Variants in DCC observed in about 807,000 individuals in gnomAD.
The protein encoded by DCC is netrin receptor DCC.
A neutral mutation model predicts 172.5 loss-of-function variants in DCC; 58 were observed. That is an observed-to-expected ratio of 0.34 (90% CI 0.27 to 0.42). The LOEUF is 0.42. DCC is among the 10% of genes least tolerant of loss of function. The probability of loss-of-function intolerance (pLI) is 1.00; values close to 1 mark genes in which losing one functional copy is unlikely to be tolerated. For synonymous variants in DCC, 709 were observed against 644.5 expected, an observed-to-expected ratio of 1.10 and a Z score of -1.52; for missense variants, 1,740 against 1,791.0, an observed-to-expected ratio of 0.97 and a Z score of 0.51.
In DCC at chr18:52,714,539, A is replaced by G. The variant is rs541886648; in HGVS notation, c.92-37515A>G. On this transcript the variant is annotated intron_variant, in intron 1 of 28. Coordinates refer to ENST00000442544, the MANE Select transcript of DCC (RefSeq NM_005215.4). ...TACTGAACTGGGAAGGAACTGCTAT[A>G]TTGGGAAAAAGAACAACATTATCTG... 7.2e-5 allele frequency among the ~76,000 whole-genome samples: 11 copies of G among 152,342 alleles called. No individual in the cohort carries two copies. In the South Asian group the frequency reaches 2.3e-3, roughly 32 times the overall value.
At chr18:53,115,561 G>C (rs536727498) in intron 7 of DCC, among the ~76,000 whole-genome samples, 11 of 151,694 alleles carry the variant, frequency 7.3e-5, no homozygotes, top group African/African-American at 1.7e-4. Flanking sequence ...CCCCATCCCA[G>C]TGCTAGAATT....
At chr18:52,368,441 T>C (rs368083808) in intron 1 of DCC, among the ~76,000 whole-genome samples, 3 of 152,184 alleles carry the variant, frequency 2.0e-5, no homozygotes, top group East Asian at 3.9e-4. Context: ...TGTTGCTCTT[T>C]CCACCCTGAG....
chr18:52,771,749 T>G (rs1361095907), intron 2 of DCC, among the ~76,000 whole-genome samples: 2 of 152,118 alleles, frequency 1.3e-5, no homozygotes, highest in Non-Finnish European at 2.9e-5. Flanking sequence ...TGAAATGTTT[T>G]TTGTTTGTTT....
chr18:52,949,834 T>C (rs115248077), intron 5 of DCC, among the ~76,000 whole-genome samples: 2,323 of 152,352 alleles, frequency 0.015, 75 homozygotes, highest in African/African-American at 0.053. Context: ...CATGTAAATA[T>C]ATTTCTGGCT....
Position 53,391,739 on chromosome 18 carries a change from C to T in DCC, c.2540C>T (p.Pro847Leu). Reference protein sequence around the residue: ...VPDLSTPMLPPVGVQAVALTH... With the variant: ...VPDLSTPMLPLVGVQAVALTH... ...GATCTCTCCACCCCCATGCTCCCAC[C>T]AGTAGGTGTACAGGCTGTGGCTCTT... The change falls in exon 17 of 29, where the codon CCA becomes CTA. Residue 847 changes from proline to leucine, a missense_variant. Coordinates refer to ENST00000442544, the MANE Select transcript of DCC (RefSeq NM_005215.4). The T allele has an allele frequency of 6.2e-7, 1 of 1,614,086 alleles. No individual in the cohort carries two copies. Among genetic ancestry groups the T allele is most frequent in the Non-Finnish European group, 8.5e-7 (1 of 1,179,976 alleles).
At chr18:52,553,568 G>C (rs900077080) in intron 1 of DCC, among the ~76,000 whole-genome samples, 2 of 151,980 alleles carry the variant, frequency 1.3e-5, no homozygotes, top group Non-Finnish European at 1.5e-5. Flanking sequence ...GGCAGGCACT[G>C]TGTGAATTTC....
intron 1 of DCC, among the ~76,000 whole-genome samples, chr18:52,730,106 A>T (rs201408362): frequency 5.9e-5 from 9 of 152,208 alleles, no homozygotes; most frequent in Admixed American, 2.6e-4. Flanking sequence ...GATTTTTTTA[A>T]AAAAATGAAT....
intron 1 of DCC, among the ~76,000 whole-genome samples, chr18:52,714,307 T>A (rs2036342470): frequency 6.6e-6 from 1 of 151,356 alleles, no homozygotes; most frequent in South Asian, 2.1e-4. Flanking sequence ...GGCCAGACTT[T>A]GAGTGCATTT....
At chr18:52,788,755 A>T (rs865812515) in intron 2 of DCC, among the ~76,000 whole-genome samples, 10 of 152,320 alleles carry the variant, frequency 6.6e-5, no homozygotes, top group Middle Eastern at 6.8e-3. Flanking sequence ...CCAGGAAGGC[A>T]TGCATTTCTA....
At chr18:52,968,517 G>T (rs1310181060) in intron 5 of DCC, among the ~76,000 whole-genome samples, 1 of 151,996 alleles carries the variant, frequency 6.6e-6, no homozygotes, top group African/African-American at 2.4e-5. Context: ...AGTTCAGGAG[G>T]CTCGGAGTCT....
intron 18 of DCC, 71 bp from the exon 19 acceptor site, chr18:53,402,715 A>G: frequency 9.1e-7 from 1 of 1,096,006 alleles, no homozygotes. Flanking sequence ...CAACATCATG[A>G]TGAAATTTCC....
rs184014466 is a variant in DCC, at chr18:52,806,246, A to G, written c.412+53872A>G. The stretch of plus-strand genomic sequence containing the variant: ...AGACTTCCCATACACCCCAGTCCCC[A>G]TACGTGTAAACCTCGCTCCCGTCAA... On this transcript the variant is annotated intron_variant, in intron 2 of 28. Coordinates refer to ENST00000442544, the MANE Select transcript of DCC (RefSeq NM_005215.4). 3.0e-3 allele frequency among the ~76,000 whole-genome samples: 460 copies of G among 152,316 alleles called. 2 individuals carry two copies. The highest frequency in any genetic ancestry group is 0.011 in the African/African-American group (446 of 41,584).
chr18:52,833,577 C>T (rs937641356), intron 2 of DCC, among the ~76,000 whole-genome samples: 1 of 152,116 alleles, frequency 6.6e-6, no homozygotes, highest in Non-Finnish European at 1.5e-5. Flanking sequence ...GTAGAAACTG[C>T]TAGCAAGTTC....
intron 1 of DCC, among the ~76,000 whole-genome samples, chr18:52,559,926 T>A (rs1439114142): frequency 1.3e-5 from 2 of 152,194 alleles, no homozygotes; most frequent in East Asian, 3.8e-4. Flanking sequence ...GAGTTAATAT[T>A]TCATTGAAAA....
At chr18:53,498,348 TTTTGA>T (rs767619978) in intron 26 of DCC, among the ~76,000 whole-genome samples, 2 of 152,206 alleles carry the variant, frequency 1.3e-5, no homozygotes, top group Non-Finnish European at 2.9e-5. Context: ...CTGCATTTTG[TTTTGA>T]TTTATCTGAC....
intron 5 of DCC, among the ~76,000 whole-genome samples, chr18:52,997,287 T>A (rs2145632823): frequency 6.6e-6 from 1 of 152,282 alleles, no homozygotes; most frequent in South Asian, 2.1e-4. Context: ...CTACTTAGAA[T>A]TTTGTTCTTT....
intron 1 of DCC, among the ~76,000 whole-genome samples, chr18:52,435,288 TGTGTGTGTGTGCAC>T (rs1387641498): frequency 1.3e-5 from 2 of 148,660 alleles, no homozygotes; most frequent in Non-Finnish European, 3.0e-5. Context: ...CTCTTGCCTG[TGTGTGTGTGTGCAC>T]GTGTGTGTGT....
chr18:53,412,904 T>C (rs925776056), intron 20 of DCC, among the ~76,000 whole-genome samples: 1 of 152,200 alleles, frequency 6.6e-6, no homozygotes, highest in Non-Finnish European at 1.5e-5. Flanking sequence ...ACATATATGA[T>C]GTATCTAATT....
chr18:52,761,524 TAAAAC>T (rs1482854490), intron 2 of DCC, among the ~76,000 whole-genome samples: 1 of 152,112 alleles, frequency 6.6e-6, no homozygotes, highest in Non-Finnish European at 1.5e-5. Context: ...GAAGTTAACA[TAAAAC>T]AATAACAATA....
Sources: gnomAD v4.1 joint callset for allele counts (sites outside exome capture counted in the v4.1 genomes callset) on GRCh38, gnomAD v4.1.1 for gene constraint, MANE v1.5 for transcripts, NCBI Gene and HGNC (gene_info 2026-07-23, HGNC 2026-07-21) for gene names.